Variants in JADE2 observed in about 807,000 individuals in gnomAD.
JADE2 encodes E3 ubiquitin-protein ligase Jade-2.
JADE2 carries 13 observed loss-of-function variants against 85.7 expected under a neutral mutation model. The ratio of observed to expected loss-of-function variants is 0.15; its 90% CI spans 0.10 to 0.24. The LOEUF (loss-of-function observed/expected upper bound fraction) is 0.24, where lower values mean the gene tolerates loss of function less well. Ranked by LOEUF, JADE2 falls within the 10% of genes least tolerant of loss-of-function variation. The probability of loss-of-function intolerance (pLI) is 1.00; values close to 1 mark genes in which losing one functional copy is unlikely to be tolerated. For missense variants in JADE2, 846 were observed against 1,115.9 expected, an observed-to-expected ratio of 0.76 and a Z score of 3.45; for synonymous variants, 440 against 456.1, an observed-to-expected ratio of 0.96 and a Z score of 0.45.
Position 134,562,460 on chromosome 5 carries a change from G to T in JADE2, c.852+93G>T. 3.1e-6 allele frequency: 4 copies of T among 1,273,798 alleles called. No homozygotes were observed. The highest frequency in any genetic ancestry group is 4.4e-6 in the Non-Finnish European group (4 of 916,494). The allele number at this position is 1,273,798 out of a possible 1,614,324, so 78.9% of individuals were successfully genotyped here. A position where few individuals can be genotyped will look rare whatever the true frequency, so the allele number is the denominator to read the frequency against. On this transcript the variant is annotated intron_variant, in intron 7 of 11. Transcript: ENST00000681547. This position sits in a 1 kb window ranked among gnomAD's most constrained non-coding sequence, Gnocchi z 4.6. ...AGGTAGCAGAGCACTGGGAAAAGAA[G>T]GTGATGGACTCGCACTAAAACACTG...
At position 134,580,993 on chromosome 5, in the gene JADE2, C is replaced by T. The variant is rs1764685368; in HGVS notation, c.*1676C>T. 2 of 152,572 alleles carry T rather than the reference C, an allele frequency of 1.3e-5. No individual in the cohort carries two copies. The highest frequency in any genetic ancestry group is 1.3e-4 in the Admixed American group (2 of 15,278). The allele number at this position is 152,572 out of a possible 1,614,324, so 9.5% of individuals were successfully genotyped here. On this transcript the variant is annotated 3_prime_UTR_variant, in exon 12 of 12. Transcript: ENST00000681547. ...GTCTTTACCATGTGGTTCCCTCCTC[C>T]CCAAATACATAAAGCAAATAAGCAG...
At chr5:134,575,735 A>G (rs931872160) in intron 10 of JADE2, 1 of 151,204 alleles carries the variant, frequency 6.6e-6, no homozygotes, top group African/African-American at 2.4e-5. Context: ...AAAAAAAAAA[A>G]AATACAAAAA....
At chr5:134,552,012 G>A (rs377580210) in intron 3 of JADE2, 40 bp from the exon 4 acceptor site, 106 of 1,607,788 alleles carry the variant, frequency 6.6e-5, no homozygotes, top group Non-Finnish European at 8.7e-5. Context: ...ACTGCCCTGA[G>A]GCAGTCTGAA....
intron 3 of JADE2, among the ~76,000 whole-genome samples, chr5:134,539,878 G>T (rs2149889909): frequency 6.6e-6 from 1 of 152,304 alleles, no homozygotes; most frequent in South Asian, 2.1e-4. Context: ...TCCTCCAGGA[G>T]CTGCCCTCCT....
chr5:134,534,800 C>T lies in JADE2; in HGVS notation c.1-1058C>T, dbSNP rs955830736. ...GAACCCTGAGCCCCCAATGTGTTCC[C>T]ACATTAGGACTCAGCCACAGGCGAG... On this transcript the variant is annotated intron_variant, in intron 1 of 11. Transcript: ENST00000681547. Among the ~76,000 whole-genome samples the T allele has an allele frequency of 3.3e-5, 5 of 152,286 alleles. No individual in the cohort carries two copies. The East Asian group carries it at 5.8e-4, about 18-fold the overall frequency.
rs1341641979 is a variant in JADE2 at position 134,525,702 on chromosome 5, C to T, written c.-310C>T. 8.0e-7 allele frequency: 1 copy of T among 1,243,186 alleles called. No individual in the cohort carries two copies. Among genetic ancestry groups the T allele is most frequent in the Non-Finnish European group, 1.0e-6 (1 of 969,518 alleles). 77.0% of individuals were successfully genotyped at this position (1,243,186 alleles called of 1,614,324 possible). On this transcript the variant is annotated 5_prime_UTR_variant, in exon 1 of 12. Transcript: ENST00000681547. ...TACACAGGGGGTTGGTGAATGGTGC[C>T]GACCGCGGCCATCGCAGTTGGAGGC...
chr5:134,565,972 C>T, intron 8 of JADE2, 144 bp from the exon 9 acceptor site: 1 of 687,542 alleles, frequency 1.5e-6, no homozygotes, highest in African/African-American at 1.8e-5. Context: ...CCATCCTGCA[C>T]AGGAGGTTGG....
chr5:134,540,698 G>C (rs1761915837), intron 3 of JADE2, among the ~76,000 whole-genome samples: 1 of 152,182 alleles, frequency 6.6e-6, no homozygotes, highest in African/African-American at 2.4e-5. Flanking sequence ...TCTCCTGTTT[G>C]TTGTAGCTGT....
intron 9 of JADE2, among the ~76,000 whole-genome samples, chr5:134,569,512 G>T (rs1466454103): frequency 6.6e-6 from 1 of 152,162 alleles, no homozygotes; most frequent in African/African-American, 2.4e-5. Context: ...GACAAAAATC[G>T]CAGCACTGTT....
chr5:134,559,785 G>T, intron 4 of JADE2, 45 bp from the exon 5 acceptor site: 2 of 1,576,088 alleles, frequency 1.3e-6, no homozygotes, highest in Non-Finnish European at 1.7e-6. Context: ...TATGGCGGCA[G>T]GCTGAGGGCC....
chr5:134,560,079 C>A, intron 5 of JADE2, 89 bp downstream of exon 5: 1 of 1,451,778 alleles, frequency 6.9e-7, no homozygotes, highest in Non-Finnish European at 9.6e-7. Context: ...CCAGGCAGGG[C>A]TATGGTATGG....
rs771800158 is a variant in JADE2 at position 134,566,604 on chromosome 5, A to G, written c.1434+24A>G. 1.3e-6 allele frequency: 2 copies of G among 1,503,400 alleles called. No homozygotes were observed. Among genetic ancestry groups the G allele is most frequent in the East Asian group, 2.5e-5 (1 of 40,506 alleles). The allele number at this position is 1,503,400 out of a possible 1,614,324, so 93.1% of individuals were successfully genotyped here. A position where few individuals can be genotyped will look rare whatever the true frequency, so the allele number is the denominator to read the frequency against. On this transcript the variant is annotated intron_variant, in intron 9 of 11. Transcript: ENST00000681547. This position sits in a 1 kb window ranked among gnomAD's most constrained non-coding sequence, Gnocchi z 6.7. ...GGGTGAGTCCCCATGCCGCCTGCCC[A>G]CCCCCTGCCTGGTGGGTCCAGGAGT...
At chr5:134,542,334 A>G (rs905181144) in intron 3 of JADE2, among the ~76,000 whole-genome samples, 6 of 151,996 alleles carry the variant, frequency 3.9e-5, no homozygotes, top group Non-Finnish European at 8.8e-5. Context: ...CATCTCTGAG[A>G]ATCTAATGGA....
chr5:134,535,419 T>G (rs1162353697), intron 1 of JADE2, among the ~76,000 whole-genome samples: 1 of 152,122 alleles, frequency 6.6e-6, no homozygotes, highest in African/African-American at 2.4e-5. Context: ...GACAGCATGG[T>G]CCTCCTGGAA....
chr5:134,524,132 G>T (rs1760675361), upstream of JADE2, among the ~76,000 whole-genome samples: 1 of 152,224 alleles, frequency 6.6e-6, no homozygotes, highest in African/African-American at 2.4e-5. Context: ...GTTGGGCCAG[G>T]CTCCCCACAA....
At chr5:134,541,309 A>G (rs1414922906) in intron 3 of JADE2, among the ~76,000 whole-genome samples, 1 of 152,272 alleles carries the variant, frequency 6.6e-6, no homozygotes, top group Non-Finnish European at 1.5e-5. Context: ...CTTGGGGCAG[A>G]GAGGAAACCA....
intron 4 of JADE2, among the ~76,000 whole-genome samples, chr5:134,556,256 A>G (rs1271808272): frequency 4.6e-5 from 7 of 152,172 alleles, no homozygotes; most frequent in Admixed American, 4.6e-4. Context: ...AGCAATAACC[A>G]TGGCAACCAG....
rs1447458374 is a variant in JADE2 at position 134,566,191 on chromosome 5, T to C, written c.1045T>C (p.Leu349=). 4.1e-5 allele frequency: 66 copies of C among 1,614,000 alleles called. No individual in the cohort carries two copies. The highest frequency in any genetic ancestry group is 5.6e-5 in the Non-Finnish European group (66 of 1,180,030). Residue 349 remains leucine (L), a synonymous_variant, in exon 9 of 12, where the codon TTA becomes CTA. Coordinates refer to ENST00000681547, the MANE Select transcript of JADE2 (RefSeq NM_001388185.1). The surrounding 1 kb of genome is among the most constrained non-coding windows in gnomAD (Gnocchi z 6.7). ...FDHGLEMRTI[L]ADNDEVKFKS... ...CCACGGCCTGGAAATGCGGACTATA[T>C]TAGCAGACAACGATGAGGTCAAGTT...
At chr5:134,539,054 T>TATTTATTTATTTA (rs1761791466) in intron 3 of JADE2, among the ~76,000 whole-genome samples, 1 of 147,372 alleles carries the variant, frequency 6.8e-6, no homozygotes, top group Admixed American at 6.8e-5. Context: ...TTTATTTATT[T>TATTTATTTATTTA]ATTTATTTAT....
Sources: gnomAD v4.1 joint callset for allele counts (sites outside exome capture counted in the v4.1 genomes callset) on GRCh38, gnomAD v4.1.1 for gene constraint, Gnocchi (gnomAD v3.1) non-coding constraint, MANE v1.5 for transcripts, NCBI Gene and HGNC (gene_info 2026-07-23, HGNC 2026-07-21) for gene names.